The following MTUS2 variants were observed in gnomAD, a reference collection of about 807,000 sequenced individuals.
The protein encoded by MTUS2 is microtubule-associated tumor suppressor candidate 2.
MTUS2 carries 40 observed loss-of-function variants against 114.1 expected under a neutral mutation model. The ratio of observed to expected loss-of-function variants is 0.35; its 90% CI spans 0.27 to 0.46. The LOEUF (loss-of-function observed/expected upper bound fraction) is 0.46. Ranked by LOEUF, MTUS2 falls within the 20% of genes least tolerant of loss-of-function variation. MTUS2 has a pLI of 1.00. For synonymous variants in MTUS2, 688 were observed against 672.0 expected, an observed-to-expected ratio of 1.02 and a Z score of -0.37; for missense variants, 1,679 against 1,705.4, an observed-to-expected ratio of 0.98 and a Z score of 0.27.
Position 29,010,052 on chromosome 13 carries a change from A to G in MTUS2, c.-242-14405A>G, listed in dbSNP as rs558355038. 4.1e-4 allele frequency among the ~76,000 whole-genome samples: 63 copies of G among 152,088 alleles called. No homozygotes were observed. In the Middle Eastern group the frequency reaches 0.014, roughly 33 times the overall value. On this transcript the variant is annotated intron_variant, in intron 2 of 15. Transcript: ENST00000612955. Reference sequence around the variant, plus strand: ...TGGTGAAACCCCCTCTCTACTAAAAAATACAAAAATTAGCTGGGCATGGTG... The same window carrying G: ...TGGTGAAACCCCCTCTCTACTAAAAGATACAAAAATTAGCTGGGCATGGTG...
intron 10 of MTUS2, among the ~76,000 whole-genome samples, chr13:29,481,100 C>T (rs771323037): frequency 2.0e-5 from 3 of 152,206 alleles, no homozygotes; most frequent in African/African-American, 7.2e-5. Context: ...CCTGCTGGAT[C>T]CTGGCACCTG....
chr13:29,441,252 C>T (rs758499080), intron 9 of MTUS2, among the ~76,000 whole-genome samples: 11 of 151,940 alleles, frequency 7.2e-5, no homozygotes, highest in Non-Finnish European at 1.3e-4. Flanking sequence ...TTCCAACAGT[C>T]GGCTAGGAAA....
At chr13:29,306,776 T>A (rs542707535) in intron 6 of MTUS2, 2 of 329,264 alleles carry the variant, frequency 6.1e-6, no homozygotes, top group East Asian at 1.4e-4. Context: ...CCCTGAGACA[T>A]CATGGTGAAG....
At chr13:28,930,889 T>C (rs150081021) in intron 2 of MTUS2, among the ~76,000 whole-genome samples, 1 of 152,324 alleles carries the variant, frequency 6.6e-6, no homozygotes, top group Non-Finnish European at 1.5e-5. Flanking sequence ...AAAGTACAGG[T>C]AATTGCAATA....
chr13:29,190,986 C>G (rs1398083944), intron 5 of MTUS2, among the ~76,000 whole-genome samples: 3 of 152,094 alleles, frequency 2.0e-5, no homozygotes, highest in East Asian at 1.9e-4. Flanking sequence ...TATAAGAGAG[C>G]CTTTTTGGGA....
intron 2 of MTUS2, among the ~76,000 whole-genome samples, chr13:28,972,768 G>A (rs1273715575): frequency 3.3e-5 from 5 of 152,038 alleles, no homozygotes; most frequent in African/African-American, 9.7e-5. Context: ...TTTTTGTTTT[G>A]TGAATTATTT....
intron 5 of MTUS2, among the ~76,000 whole-genome samples, chr13:29,116,370 A>G (rs1456997427): frequency 6.6e-6 from 1 of 152,352 alleles, no homozygotes; most frequent in Non-Finnish European, 1.5e-5. Context: ...ACTATAGCCA[A>G]GACATTGAGA....
At chr13:28,968,576 G>T (rs1312468922) in intron 2 of MTUS2, among the ~76,000 whole-genome samples, 1 of 152,118 alleles carries the variant, frequency 6.6e-6, no homozygotes, top group Non-Finnish European at 1.5e-5. Flanking sequence ...ACTTGGACTG[G>T]ATGAGATACT....
At chr13:29,224,310 G>C (rs1896022245) in intron 5 of MTUS2, among the ~76,000 whole-genome samples, 1 of 152,202 alleles carries the variant, frequency 6.6e-6, no homozygotes, top group South Asian at 2.1e-4. Flanking sequence ...TCTTCTGTAA[G>C]ATGTAGTCCT....
At chr13:29,417,885 C>T (rs1875781019) in intron 8 of MTUS2, among the ~76,000 whole-genome samples, 1 of 151,988 alleles carries the variant, frequency 6.6e-6, no homozygotes, top group South Asian at 2.1e-4. Context: ...CAGTTTTTTC[C>T]ATTTATTTTT....
At chr13:29,186,796 A>G (rs903823708) in intron 5 of MTUS2, among the ~76,000 whole-genome samples, 1 of 152,224 alleles carries the variant, frequency 6.6e-6, no homozygotes, top group Non-Finnish European at 1.5e-5. Context: ...AGAACATTCC[A>G]CTAAACAGAA....
At chr13:28,869,300 A>G (rs1397802641) in intron 2 of MTUS2, among the ~76,000 whole-genome samples, 2 of 152,214 alleles carry the variant, frequency 1.3e-5, no homozygotes, top group African/African-American at 4.8e-5. Context: ...TCATTGTTCA[A>G]ATGACTTCAC....
At chr13:29,112,913 G>A (rs1422357768) in intron 5 of MTUS2, among the ~76,000 whole-genome samples, 1 of 152,138 alleles carries the variant, frequency 6.6e-6, no homozygotes, top group Admixed American at 6.5e-5. Context: ...ATTGGACATG[G>A]GATTACATAA....
chr13:28,900,409 G>T (rs898871974), intron 2 of MTUS2, among the ~76,000 whole-genome samples: 3 of 152,090 alleles, frequency 2.0e-5, no homozygotes, highest in African/African-American at 4.8e-5. Context: ...CCCTCATGTT[G>T]CCCTTTTATA....
intron 5 of MTUS2, among the ~76,000 whole-genome samples, chr13:29,262,347 T>C: frequency 6.6e-6 from 1 of 152,184 alleles, no homozygotes; most frequent in Non-Finnish European, 1.5e-5. Context: ...CTCTTTTACA[T>C]TTGTGTCCCT....
At chr13:29,355,010 G>A (rs1276880214) in intron 7 of MTUS2, among the ~76,000 whole-genome samples, 1 of 152,228 alleles carries the variant, frequency 6.6e-6, no homozygotes, top group Non-Finnish European at 1.5e-5. Flanking sequence ...ATGGTGTGAA[G>A]GTCATGGGCC....
chr13:29,392,110 A>G (rs1873528326), intron 8 of MTUS2, among the ~76,000 whole-genome samples: 1 of 146,378 alleles, frequency 6.8e-6, no homozygotes, highest in Non-Finnish European at 1.5e-5. Flanking sequence ...CCTGGGCGAC[A>G]GAGCAAGACT....
At chr13:29,150,236 C>T (rs188004115) in intron 5 of MTUS2, among the ~76,000 whole-genome samples, 90 of 152,204 alleles carry the variant, frequency 5.9e-4, no homozygotes, top group Non-Finnish European at 1.1e-3. Context: ...CTTCACTTCC[C>T]TTGTTAGCTG....
rs575976297 is a variant in MTUS2 at position 28,841,676 on chromosome 13, G to T, written c.-243+1826G>T. Among the ~76,000 whole-genome samples, 15 of 149,904 alleles carry T rather than the reference G, an allele frequency of 1.0e-4. No homozygotes were observed. The East Asian group carries it at 2.5e-3, about 25-fold the overall frequency. On this transcript the variant is annotated intron_variant, in intron 2 of 15. Transcript: ENST00000612955. Reference sequence around the variant, plus strand: ...AAGTTAGTTCTTTGTGTGTGTGTGTGTTTTTTTTTGTTTTTTTGTTTTTTT... The same window carrying T: ...AAGTTAGTTCTTTGTGTGTGTGTGTTTTTTTTTTTGTTTTTTTGTTTTTTT...
Sources: allele counts gnomAD v4.1 joint callset (sites outside exome capture counted in the v4.1 genomes callset), GRCh38; gene constraint gnomAD v4.1.1; transcripts MANE v1.5; gene names NCBI Gene and HGNC (gene_info 2026-07-23, HGNC 2026-07-21).